The following MCM3 variants were observed in gnomAD, a reference collection of about 807,000 sequenced individuals.
MCM3 encodes the protein DNA replication licensing factor MCM3.
In MCM3, 59 loss-of-function variants were observed where a neutral mutation model predicts 91.3. The ratio of observed to expected loss-of-function variants is 0.65; its 90% confidence interval spans 0.52 to 0.80. MCM3 has a LOEUF of 0.80. Ranked by LOEUF, MCM3 falls within the 30% of genes least tolerant of loss-of-function variation. The pLI is 0.00. For synonymous variants in MCM3, 383 were observed against 379.6 expected, an observed-to-expected ratio of 1.01 and a Z score of -0.10; for missense variants, 919 against 1,035.4, an observed-to-expected ratio of 0.89 and a Z score of 1.54.
intron 16 of MCM3, among the ~76,000 whole-genome samples, 178 bp downstream of exon 16, chr6:52,265,897 T>A (rs1163327781): frequency 6.6e-6 from 1 of 152,240 alleles, no homozygotes; most frequent in African/African-American, 2.4e-5. Context: ...GCTTTTCTCA[T>A]AACTTTTCAG....
chr6:52,274,238 ACT>A (rs1765375811), intron 9 of MCM3, among the ~76,000 whole-genome samples: 1 of 152,116 alleles, frequency 6.6e-6, no homozygotes, highest in Non-Finnish European at 1.5e-5. Context: ...GCAGGACCTG[ACT>A]CTGAAAGATG....
intron 14 of MCM3, among the ~76,000 whole-genome samples, 181 bp downstream of exon 14, chr6:52,267,684 C>T (rs1406250630): frequency 6.6e-6 from 1 of 151,982 alleles, no homozygotes. Flanking sequence ...TCCGCCACCA[C>T]GCCCAGCTAA....
chr6:52,276,098 G>C lies in MCM3; in HGVS notation c.1374+170C>G, dbSNP rs1243008641. On this transcript the variant is annotated intron_variant, in intron 9 of 16. Transcript: ENST00000596288. ...CTTTCCAGGGGATTCTGCTGTGCAG[G>C]AATGGGTGAGGAACACTGCTCTAAA... The C allele has an allele frequency of 1.1e-5, 7 of 626,578 alleles. No individual in the cohort carries two copies. In the African/African-American group the frequency reaches 1.3e-4, roughly 12 times the overall value. The allele number at this position is 626,578 out of a possible 1,614,324, so 38.8% of individuals were successfully genotyped here. A position where few individuals can be genotyped will look rare whatever the true frequency, so the allele number is the denominator to read the frequency against.
chr6:52,266,017 T>G, intron 16 of MCM3, 58 bp downstream of exon 16: 2 of 1,482,594 alleles, frequency 1.3e-6, no homozygotes, highest in Non-Finnish European at 1.9e-6. Context: ...GGGAACAAAG[T>G]CCCTTCCTCA....
At position 52,284,732 on chromosome 6, in the gene MCM3, C is replaced by T; in HGVS notation, c.-58G>A. The T allele has an allele frequency of 1.3e-6, 2 of 1,558,228 alleles. No individual in the cohort carries two copies. Among genetic ancestry groups the T allele is most frequent in the South Asian group, 1.2e-5 (1 of 85,218 alleles). On this transcript the variant is annotated 5_prime_UTR_variant, in exon 1 of 17. Coordinates refer to ENST00000596288, the MANE Select transcript of MCM3 (RefSeq NM_002388.6). ...CGCGTGGAGGTTCCCAGGATGACTC[C>T]ACCCCGGCGCGAAAACTTCCGAACT...
At chr6:52,274,379 T>TC (rs893161331) in intron 9 of MCM3, among the ~76,000 whole-genome samples, 1 of 152,132 alleles carries the variant, frequency 6.6e-6, no homozygotes, top group Admixed American at 6.6e-5. Flanking sequence ...GATCTATATA[T>TC]CATAACATCT....
At chr6:52,284,565 C>A in intron 1 of MCM3, 32 bp downstream of exon 1, 2 of 1,569,534 alleles carry the variant, frequency 1.3e-6, no homozygotes, top group Non-Finnish European at 1.7e-6. Flanking sequence ...GGGCTCCGAG[C>A]GCTAGAGCCC....
intron 9 of MCM3, 127 bp from the exon 10 acceptor site, chr6:52,274,043 T>A: frequency 6.0e-6 from 4 of 671,416 alleles, no homozygotes; most frequent in African/African-American, 1.8e-5. Context: ...CAAAAAGCAG[T>A]GAAAAAGGGA....
At chr6:52,281,837 C>T (rs1342947849) in intron 4 of MCM3, among the ~76,000 whole-genome samples, 2 of 152,112 alleles carry the variant, frequency 1.3e-5, no homozygotes, top group African/African-American at 2.4e-5. Flanking sequence ...ATAGGAGAAC[C>T]TCATCTTTAA....
chr6:52,279,487 C>A lies in MCM3; in HGVS notation c.644G>T (p.Arg215Leu), dbSNP rs377411679. Residue 215 changes from arginine to leucine, a missense_variant, in exon 5 of 17, where the codon CGC becomes CTC. Physicochemically the swap from Arg to Leu is moderately radical, Grantham distance 102. Transcript: ENST00000596288. The part of the protein sequence containing the change: ...PEKAPAGQLP[R>L]SVDVILDDDL... ...ATCATCCAGAATGACGTCCACAGAG[C>A]GGGGGAGCTGGCCGGCTGGGGCCTT... 3 of 1,614,114 alleles carry A rather than the reference C, an allele frequency of 1.9e-6. No individual in the cohort carries two copies. The highest frequency in any genetic ancestry group is 1.3e-5 in the African/African-American group (1 of 75,028).
At chr6:52,281,957 G>C (rs530821275) in intron 4 of MCM3, 88 bp downstream of exon 4, 2 of 1,359,184 alleles carry the variant, frequency 1.5e-6, no homozygotes, top group Non-Finnish European at 2.0e-6. Context: ...ACAGAAAAAA[G>C]ACTTCAGATA....
At chr6:52,271,869 C>G (rs2128278204) in intron 12 of MCM3, among the ~76,000 whole-genome samples, 1 of 152,296 alleles carries the variant, frequency 6.6e-6, no homozygotes, top group East Asian at 1.9e-4. Flanking sequence ...GCTCAAATAG[C>G]CTTTCACGTT....
At chr6:52,268,295 T>G (rs951439711) in intron 13 of MCM3, among the ~76,000 whole-genome samples, 11 of 152,146 alleles carry the variant, frequency 7.2e-5, no homozygotes, top group Non-Finnish European at 1.0e-4. Flanking sequence ...CTAATTGAAA[T>G]CCAAGACAAC....
Position 52,277,204 on chromosome 6 carries a change from G to C in MCM3, c.1034-6C>G. On this transcript the variant is annotated splice_polypyrimidine_tract_variant and splice_region_variant and intron_variant, in intron 7 of 16. Transcript: ENST00000596288. ...CTTGGCAACGGATGGGTCTCCTGTAGGGTGGGGGCAGTGATGACTCTCTAG... is the reference window on the plus strand; with the variant it reads ...CTTGGCAACGGATGGGTCTCCTGTACGGTGGGGGCAGTGATGACTCTCTAG... 5.0e-6 allele frequency: 8 copies of C among 1,611,628 alleles called. No homozygotes were observed. Among genetic ancestry groups the C allele is most frequent in the Non-Finnish European group, 6.8e-6 (8 of 1,179,136 alleles).
Position 52,266,586 on chromosome 6 carries a change from TTC to T in MCM3, c.2158+23_2158+24del, listed in dbSNP as rs756617111. 1.5e-5 allele frequency: 24 copies of T among 1,602,802 alleles called. No individual in the cohort carries two copies. The African/African-American group carries it at 2.8e-4, about 19-fold the overall frequency. On this transcript the variant is annotated intron_variant, in intron 15 of 16. Transcript: ENST00000596288. ...TCCAAGAGTCACAGGAACAACCTCTTTCATCAGTAAGTGGGCTCACTCACCTT... is the reference window on the plus strand; with the variant it reads ...TCCAAGAGTCACAGGAACAACCTCTTATCAGTAAGTGGGCTCACTCACCTT...
chr6:52,279,363 G>T lies in MCM3; in HGVS notation c.768C>A (p.Phe256Leu), dbSNP rs571085704. 2 of 1,612,514 alleles carry T rather than the reference G, an allele frequency of 1.2e-6. No individual in the cohort carries two copies. The highest frequency in any genetic ancestry group is 8.5e-7 in the Non-Finnish European group (1 of 1,178,818). Residue 256 changes from phenylalanine to leucine, a missense_variant and splice_region_variant, in exon 5 of 17, where the codon TTC becomes TTA. Phe to Leu is a conservative substitution (Grantham distance 22). Around this residue, in one of 3 missense-constraint regions of MCM3, gnomAD observed 401 missense variants for 402.7 expected, o/e 1.00. Transcript: ENST00000596288. ...GKKGGYTSGTFRTVLIACNVK... is the reference protein window; with the variant it reads ...GKKGGYTSGTLRTVLIACNVK... Reference sequence around the variant, plus strand: ...ATACTTTAAGGCAGACCCTTTACCTGAAGGTCCCAGAGGTGTAGCCTCCCT... The same window carrying T: ...ATACTTTAAGGCAGACCCTTTACCTTAAGGTCCCAGAGGTGTAGCCTCCCT...
rs1049603951 is a variant in MCM3 at position 52,276,118 on chromosome 6, T to C, written c.1374+150A>G. ...TGCAGGAATGGGTGAGGAACACTGC[T>C]CTAAACAAAGGACAATAACAAGAAA... On this transcript the variant is annotated intron_variant, in intron 9 of 16. Coordinates refer to ENST00000596288, the MANE Select transcript of MCM3 (RefSeq NM_002388.6). 9 of 699,568 alleles carry C rather than the reference T, an allele frequency of 1.3e-5. No individual in the cohort carries two copies. In the African/African-American group the frequency reaches 1.4e-4, roughly 11 times the overall value. 43.3% of individuals were successfully genotyped at this position (699,568 alleles called of 1,614,324 possible).
chr6:52,277,807 G>C, intron 6 of MCM3, 119 bp from the exon 7 acceptor site: 1 of 844,582 alleles, frequency 1.2e-6, no homozygotes, highest in Admixed American at 2.7e-5. Context: ...AGTGGCTCAG[G>C]TCTGTAATCC....
At chr6:52,282,579 T>G in intron 3 of MCM3, 74 bp downstream of exon 3, 2 of 1,422,502 alleles carry the variant, frequency 1.4e-6, no homozygotes, top group Non-Finnish European at 2.0e-6. Context: ...GCTACCCAGA[T>G]CTACTTTGCC....
Sources: allele counts gnomAD v4.1 joint callset (sites outside exome capture counted in the v4.1 genomes callset), GRCh38; gene constraint gnomAD v4.1.1; regional missense constraint gnomAD v4.1.1; transcripts MANE v1.5; gene names NCBI Gene and HGNC (gene_info 2026-07-23, HGNC 2026-07-21).